Variants in NUBP2 observed in about 807,000 individuals in gnomAD.
NUBP2 encodes cytosolic Fe-S cluster assembly factor NUBP2.
In NUBP2, 23 loss-of-function variants were observed where a neutral mutation model predicts 24.9. The observed-to-expected ratio is 0.92, with a 90% CI of 0.66 to 1.31. NUBP2 has a LOEUF of 1.31. Ranked by LOEUF, NUBP2 falls within the 50% of genes most tolerant of loss-of-function variation. The pLI is 0.00. For synonymous variants in NUBP2, 186 were observed against 170.9 expected (o/e 1.09, Z -0.69); for missense variants, 403 against 386.5 (o/e 1.04, Z -0.36).
chr16:1,787,943 G>A lies in NUBP2; in HGVS notation c.492G>A (p.Ala164=), dbSNP rs747776093. ...LGALVVTTPQ[A]VSVGDVRREL... ...TGGCCTCGGCTCCTGCCCCGCAGGC[G>A]GTGTCCGTGGGGGACGTGAGGCGCG... The change falls in exon 5 of 7, where the codon GCG becomes GCA. Residue 164 remains alanine, a splice_region_variant and synonymous_variant. Transcript: ENST00000262302. The A allele has an allele frequency of 1.7e-4, 280 of 1,603,556 alleles. 2 individuals are homozygous for A. The highest frequency in any genetic ancestry group is 1.7e-4 in the Middle Eastern group (1 of 6,008).
chr16:1,787,133 C>A, intron 3 of NUBP2, 178 bp downstream of exon 3: 2 of 573,092 alleles, frequency 3.5e-6, no homozygotes, highest in Non-Finnish European at 5.9e-6. Flanking sequence ...GTCCGTGCTG[C>A]CACACAGCTG....
chr16:1,787,426 C>T, intron 3 of NUBP2: 1 of 572,226 alleles, frequency 1.7e-6, no homozygotes, highest in South Asian at 2.2e-5. Flanking sequence ...GATTTGGGGC[C>T]TCGGGGAGTC....
intron 3 of NUBP2, 83 bp downstream of exon 3, chr16:1,787,038 C>G: frequency 7.6e-7 from 1 of 1,318,726 alleles, no homozygotes; most frequent in Non-Finnish European, 1.0e-6. Context: ...TGTTCCTCTT[C>G]AGCAGCCAGG....
At chr16:1,783,997 G>A (rs1896846280) in intron 1 of NUBP2, 3 of 985,068 alleles carry the variant, frequency 3.0e-6, no homozygotes, top group Non-Finnish European at 3.6e-6. Context: ...CTGGCCCAGT[G>A]CTGGAGTCTT....
In NUBP2 at chr16:1,787,972, T is replaced by C. The variant is rs1354412938; in HGVS notation, c.521T>C (p.Leu174Pro). The change falls in exon 5 of 7, where the codon CTG (leucine) becomes CCG (proline). Residue 174 changes from leucine to proline, a missense_variant. Leu to Pro is a moderately conservative substitution (Grantham distance 98). Coordinates refer to ENST00000262302, the MANE Select transcript of NUBP2 (RefSeq NM_012225.4). ...AVSVGDVRRE[L>P]TFCRKTGLRV... ...TCCGTGGGGGACGTGAGGCGCGAGC[T>C]GACCTTCTGTAGGAAGACGGGCTTG... The C allele has an allele frequency of 6.2e-7, 1 of 1,604,924 alleles. No individual in the cohort carries two copies. Among genetic ancestry groups the C allele is most frequent in the African/African-American group, 1.3e-5 (1 of 74,446 alleles).
At chr16:1,784,752 G>C (rs928838074) in intron 1 of NUBP2, 1 of 150,548 alleles carries the variant, frequency 6.6e-6, no homozygotes, top group Non-Finnish European at 1.5e-5. Flanking sequence ...AAATTCAAAA[G>C]GCCTAGGCTG....
Position 1,786,641 on chromosome 16 carries a change from C to G in NUBP2, c.121C>G (p.His41Asp), listed in dbSNP as rs773654891. 7.4e-6 allele frequency: 12 copies of G among 1,612,792 alleles called. No individual in the cohort carries two copies. In the South Asian group the frequency reaches 1.3e-4, roughly 18 times the overall value. ...CACGGAGCTGGCCCTGGCACTGCGC[C>G]ATGCAGGCAAGAAGGTGAGCGCCCT... ...ISTELALALRHAGKKVGILDV... is the reference protein window; with the variant it reads ...ISTELALALRDAGKKVGILDV... Residue 41 changes from histidine to aspartate, a missense_variant, in exon 2 of 7, where the codon CAT (histidine) becomes GAT (aspartate). Coordinates refer to ENST00000262302, the MANE Select transcript of NUBP2 (RefSeq NM_012225.4).
rs1015676406 is a variant in NUBP2, at chr16:1,789,005, C to T, written c.*291C>T. ...TGTGCCCCTGGCAGCCGCGTGTCCA[C>T]ACAGTTAGCGGAGCGCGGGACTTCT... On this transcript the variant is annotated 3_prime_UTR_variant, in exon 7 of 7. Transcript: ENST00000262302. The T allele has an allele frequency of 4.7e-6, 2 of 428,646 alleles. No individual in the cohort carries two copies. Among genetic ancestry groups the T allele is most frequent in the Non-Finnish European group, 8.4e-6 (2 of 238,336 alleles). 26.6% of individuals were successfully genotyped at this position (428,646 alleles called of 1,614,324 possible). A position where few individuals can be genotyped will look rare whatever the true frequency, so the allele number is the denominator to read the frequency against.
Position 1,788,831 on chromosome 16 carries a change from C to T in NUBP2, c.*117C>T, listed in dbSNP as rs1897125550. On this transcript the variant is annotated 3_prime_UTR_variant, in exon 7 of 7. Transcript: ENST00000262302. ...CTGCAGGGGCAGGCCCAGGCAGCGT[C>T]AGCCGGAGAGCTTCTCCCCGACCAG... is the stretch of plus-strand genomic sequence containing the variant. 4 of 1,319,960 alleles carry T rather than the reference C, an allele frequency of 3.0e-6. No individual in the cohort carries two copies. The highest frequency in any genetic ancestry group is 5.6e-5 in the Admixed American group (2 of 35,554). 81.8% of individuals were successfully genotyped at this position (1,319,960 alleles called of 1,614,324 possible).
chr16:1,783,150 C>G, intron 1 of NUBP2, 114 bp downstream of exon 1: 1 of 1,198,828 alleles, frequency 8.3e-7, no homozygotes, highest in Non-Finnish European at 1.0e-6. Flanking sequence ...CCATCACCGG[C>G]CGGCGTGGCT....
chr16:1,783,849 A>G (rs1374113292), intron 1 of NUBP2: 2 of 200,986 alleles, frequency 1.0e-5, no homozygotes, highest in Non-Finnish European at 1.8e-5. Context: ...GCCCGCCACC[A>G]CGCCCGGCTA....
At position 1,786,896 on chromosome 16, in the gene NUBP2, TG is replaced by T; in HGVS notation, c.278del (p.Gly93AlafsTer21). ...GAGCAGAGCATCTCGCTCATGTCTG[TG>T]GGCTTCCTGCTGGAGAAGCCGGACG... is the stretch of plus-strand genomic sequence containing the variant. ...DREQSISLMS[V>X]GFLLEKPDEA... On this transcript the variant is annotated frameshift_variant, in exon 3 of 7. Transcript: ENST00000262302. LOFTEE classifies it high-confidence loss of function. The T allele has an allele frequency of 1.9e-6, 3 of 1,559,194 alleles. No homozygotes were observed. Among genetic ancestry groups the T allele is most frequent in the Non-Finnish European group, 2.6e-6 (3 of 1,147,040 alleles).
Position 1,788,656 on chromosome 16 carries a change from C to G in NUBP2, c.758C>G (p.Ala253Gly), listed in dbSNP as rs779333563. 3 of 1,612,282 alleles carry G rather than the reference C, an allele frequency of 1.9e-6. No individual in the cohort carries two copies. In the African/African-American group the frequency reaches 4.0e-5, roughly 22 times the overall value. The stretch of plus-strand genomic sequence containing the variant: ...GAGTTCCCTGGGAGCCCCGCCTTCG[C>G]TGCACTCACCTCCATAGCCCAGAAG... ...IQEFPGSPAF[A>G]ALTSIAQKIL... The change falls in exon 7 of 7, where the codon GCT (alanine) becomes GGT (glycine). Residue 253 changes from alanine to glycine, a missense_variant. Coordinates refer to ENST00000262302, the MANE Select transcript of NUBP2 (RefSeq NM_012225.4).
At chr16:1,787,403 G>C (rs998289978) in intron 3 of NUBP2, 1 of 548,786 alleles carries the variant, frequency 1.8e-6, no homozygotes, top group Non-Finnish European at 3.3e-6. Flanking sequence ...GGAGGGTCCT[G>C]GCTCCGTGTT....
At position 1,783,045 on chromosome 16, in the gene NUBP2, C is replaced by G. The variant is rs1896795452; in HGVS notation, c.16+9C>G. ...GATGGAGGCGGCGGCCGGTGAGTGG[C>G]GGGCCAGGGTGCGGAGCCGCTCCAG... is the stretch of plus-strand genomic sequence containing the variant. On this transcript the variant is annotated intron_variant, in intron 1 of 6. Transcript: ENST00000262302. 1 of 1,351,188 alleles carries G rather than the reference C, an allele frequency of 7.4e-7. No individual in the cohort carries two copies. Among genetic ancestry groups the G allele is most frequent in the Non-Finnish European group, 9.6e-7 (1 of 1,046,892 alleles). The allele number at this position is 1,351,188 out of a possible 1,614,324, so 83.7% of individuals were successfully genotyped here. A position where few individuals can be genotyped will look rare whatever the true frequency, so the allele number is the denominator to read the frequency against.
chr16:1,786,410 C>T (rs1452743293), intron 1 of NUBP2, 127 bp from the exon 2 acceptor site: 2 of 837,700 alleles, frequency 2.4e-6, no homozygotes, highest in African/African-American at 1.7e-5. Flanking sequence ...GCACGGGCTG[C>T]CTCTGGGTCT....
chr16:1,785,133 C>G, intron 1 of NUBP2: 2 of 990,404 alleles, frequency 2.0e-6, no homozygotes, highest in Non-Finnish European at 2.4e-6. Context: ...ATAAAGCTGA[C>G]CGGGACTCAT....
intron 5 of NUBP2, 22 bp downstream of exon 5, chr16:1,788,073 G>T (rs764956000): frequency 2.5e-6 from 4 of 1,570,976 alleles, no homozygotes; most frequent in Non-Finnish European, 2.6e-6. Flanking sequence ...GGGTTGCAGA[G>T]GGGGCGAGGC....
chr16:1,784,044 T>C, intron 1 of NUBP2: 2 of 984,572 alleles, frequency 2.0e-6, no homozygotes, highest in Non-Finnish European at 2.4e-6. Context: ...CTGTCCTTAT[T>C]ATCAGGACGG....
Sources: allele counts gnomAD v4.1 joint callset, GRCh38; gene constraint gnomAD v4.1.1; transcripts MANE v1.5; gene names NCBI Gene and HGNC (gene_info 2026-07-23, HGNC 2026-07-21).